Variants in CCPG1 observed in about 807,000 individuals in gnomAD.
CCPG1 encodes the protein cell cycle progression protein 1.
Under a neutral mutation model 81.3 loss-of-function variants are expected in CCPG1, and 46 were observed. The observed-to-expected ratio is 0.57, with a 90% CI of 0.45 to 0.72. The LOEUF (loss-of-function observed/expected upper bound fraction) is 0.72, where lower values mean the gene tolerates loss of function less well. CCPG1 is among the 30% of genes least tolerant of loss of function. The probability of loss-of-function intolerance (pLI) is 0.00; values close to 1 mark genes in which losing one functional copy is unlikely to be tolerated. For missense variants in CCPG1, 902 were observed against 937.6 expected, an observed-to-expected ratio of 0.96 and a Z score of 0.50; for synonymous variants, 330 against 305.2, an observed-to-expected ratio of 1.08 and a Z score of -0.85.
At chr15:55,394,991 AGAGATGGATTTGAGACT>A (rs1303003927) in intron 1 of CCPG1, among the ~76,000 whole-genome samples, 13 of 152,244 alleles carry the variant, frequency 8.5e-5, no homozygotes, top group East Asian at 1.9e-4. Flanking sequence ...TTAGTCAGTC[AGAGATGGATTTGAGACT>A]GAGATGGATT....
intron 5 of CCPG1, among the ~76,000 whole-genome samples, chr15:55,376,020 A>C (rs1013318199): frequency 2.6e-5 from 4 of 152,224 alleles, no homozygotes; most frequent in Admixed American, 2.0e-4. Flanking sequence ...TTATTAGCTT[A>C]AACTGGAATG....
At chr15:55,367,720 T>A (rs2056360863) in intron 6 of CCPG1, among the ~76,000 whole-genome samples, 1 of 152,110 alleles carries the variant, frequency 6.6e-6, no homozygotes, top group South Asian at 2.1e-4. Flanking sequence ...ACCATCTATT[T>A]ATCATCTGGC....
intron 1 of CCPG1, among the ~76,000 whole-genome samples, chr15:55,392,215 T>C (rs1017659047): frequency 1.4e-5 from 2 of 147,308 alleles, no homozygotes; most frequent in African/African-American, 4.9e-5. Flanking sequence ...ATTTGATTTT[T>C]TTTTTTTTTT....
intron 1 of CCPG1, among the ~76,000 whole-genome samples, chr15:55,407,448 A>G (rs2057258214): frequency 6.6e-6 from 1 of 152,202 alleles, no homozygotes; most frequent in Non-Finnish European, 1.5e-5. Flanking sequence ...AGACAAATCT[A>G]AAATTCATAG....
At chr15:55,372,285 G>T in intron 5 of CCPG1, 1 of 542,154 alleles carries the variant, frequency 1.8e-6, no homozygotes, top group Non-Finnish European at 3.3e-6. Context: ...GGTGCTTTGA[G>T]AGCCTATCTC....
intron 3 of CCPG1, 147 bp from the exon 4 acceptor site, chr15:55,378,523 A>C: frequency 1.9e-6 from 1 of 515,302 alleles, no homozygotes; most frequent in Non-Finnish European, 3.4e-6. Context: ...CAATTATAGA[A>C]GTCACTCCAC....
chr15:55,372,079 A>T (rs543245760), intron 5 of CCPG1, 35 bp from the exon 6 acceptor site: 1 of 1,587,130 alleles, frequency 6.3e-7, no homozygotes, highest in Non-Finnish European at 8.6e-7. Flanking sequence ...AGCTATTCAA[A>T]ATCTTGGAAA....
intron 1 of CCPG1, among the ~76,000 whole-genome samples, chr15:55,407,041 C>CG (rs2057243437): frequency 1.6e-5 from 2 of 122,828 alleles, no homozygotes; most frequent in African/African-American, 6.9e-5. Flanking sequence ...GTTGAGACCC[C>CG]CCCCCCCGCC....
rs554781730 is a variant in CCPG1 at position 55,373,066 on chromosome 15, C to T, written c.455-1022G>A. 7.1e-5 allele frequency: 37 copies of T among 523,554 alleles called. No homozygotes were observed. In the East Asian group the frequency reaches 2.0e-3, roughly 28 times the overall value. The allele number at this position is 523,554 out of a possible 1,614,324, so 32.4% of individuals were successfully genotyped here. ...TATTAAGGACTATTCTGGTGCTGCTCCTTTATGAAAATAATAGTAGAGAAA... is the reference window on the plus strand; with the variant it reads ...TATTAAGGACTATTCTGGTGCTGCTTCTTTATGAAAATAATAGTAGAGAAA... On this transcript the variant is annotated intron_variant, in intron 5 of 8. Coordinates refer to ENST00000442196, the MANE Select transcript of CCPG1 (RefSeq NM_001204450.2).
chr15:55,400,650 T>C (rs2057111776), intron 1 of CCPG1, among the ~76,000 whole-genome samples: 11 of 152,194 alleles, frequency 7.2e-5, no homozygotes, highest in Admixed American at 6.6e-4. Flanking sequence ...CAACAACATA[T>C]GAAAGTACCT....
At chr15:55,363,761 T>A (rs576554560) in intron 7 of CCPG1, among the ~76,000 whole-genome samples, 11 of 146,326 alleles carry the variant, frequency 7.5e-5, no homozygotes, top group African/African-American at 2.3e-4. Context: ...GGTGGAAAAA[T>A]GAAGGAAAAA....
intron 2 of CCPG1, among the ~76,000 whole-genome samples, chr15:55,387,442 G>C (rs547735981): frequency 6.6e-6 from 1 of 152,102 alleles, no homozygotes; most frequent in Non-Finnish European, 1.5e-5. Context: ...TTTAAATTTT[G>C]AAATTTTAAT....
At chr15:55,404,961 G>A (rs1419830450) in intron 1 of CCPG1, among the ~76,000 whole-genome samples, 1 of 148,924 alleles carries the variant, frequency 6.7e-6, no homozygotes, top group Non-Finnish European at 1.5e-5. Flanking sequence ...TCCCAGCTAC[G>A]TGCCTGTAAT....
At chr15:55,391,398 G>A (rs935899946) in intron 1 of CCPG1, among the ~76,000 whole-genome samples, 1 of 152,214 alleles carries the variant, frequency 6.6e-6, no homozygotes, top group Non-Finnish European at 1.5e-5. Flanking sequence ...TTACAGGCGT[G>A]AGCCACTGCA....
chr15:55,397,226 A>G (rs1199208317), intron 1 of CCPG1, among the ~76,000 whole-genome samples: 1 of 131,662 alleles, frequency 7.6e-6, no homozygotes, highest in Non-Finnish European at 1.8e-5. Flanking sequence ...AAAAAAACAA[A>G]CAAAAAAAAA....
intron 6 of CCPG1, among the ~76,000 whole-genome samples, chr15:55,366,728 C>T (rs894105972): frequency 6.6e-6 from 1 of 152,032 alleles, no homozygotes; most frequent in African/African-American, 2.4e-5. Flanking sequence ...GCCAAGATCG[C>T]GCCACTGCAC....
At position 55,355,457 on chromosome 15, in the gene CCPG1, C is replaced by T. The variant is rs1219528152; in HGVS notation, c.*763G>A. On this transcript the variant is annotated 3_prime_UTR_variant, in exon 9 of 9. Coordinates refer to ENST00000442196, the MANE Select transcript of CCPG1 (RefSeq NM_001204450.2). ...AACTTTCCTAGATAAATTAACATTG[C>T]TGGGTGGAAATATTCAGATGCTGCT... 5 of 1,581,266 alleles carry T rather than the reference C, an allele frequency of 3.2e-6. No individual in the cohort carries two copies. Among genetic ancestry groups the T allele is most frequent in the Middle Eastern group, 1.7e-4 (1 of 5,920 alleles).
intron 1 of CCPG1, among the ~76,000 whole-genome samples, chr15:55,398,986 T>G (rs954586764): frequency 1.3e-5 from 2 of 152,184 alleles, no homozygotes; most frequent in Non-Finnish European, 2.9e-5. Flanking sequence ...TTTCAACATA[T>G]GCTTATTGAG....
Position 55,355,698 on chromosome 15 carries a change from TC to T in CCPG1, c.*521del. On this transcript the variant is annotated 3_prime_UTR_variant, in exon 9 of 9. Transcript: ENST00000442196. ...ACGATATTCAGATGTGCAAAAAATT[TC>T]ACAAGAAAACAAGTCAGCAAGCTCT... 3.6e-6 allele frequency: 1 copy of T among 278,714 alleles called. No individual in the cohort carries two copies. The highest frequency in any genetic ancestry group is 6.6e-6 in the Non-Finnish European group (1 of 151,788). 17.3% of individuals were successfully genotyped at this position (278,714 alleles called of 1,614,324 possible). A position where few individuals can be genotyped will look rare whatever the true frequency, so the allele number is the denominator to read the frequency against.
Sources: allele counts gnomAD v4.1 joint callset (sites outside exome capture counted in the v4.1 genomes callset), GRCh38; gene constraint gnomAD v4.1.1; transcripts MANE v1.5; gene names NCBI Gene and HGNC (gene_info 2026-07-23, HGNC 2026-07-21).